The following PDE10A variants were observed in gnomAD, a reference collection of about 807,000 sequenced individuals.
PDE10A encodes the protein cAMP and cAMP-inhibited cGMP 3',5'-cyclic phosphodiesterase 10A.
Under a neutral mutation model 97.7 loss-of-function variants are expected in PDE10A, and 39 were observed. That is an observed-to-expected ratio of 0.40 (90% CI 0.31 to 0.52). The LOEUF (loss-of-function observed/expected upper bound fraction) is 0.52, where lower values mean the gene tolerates loss of function less well. Among genes scored for constraint, PDE10A ranks in the 20% least tolerant of loss-of-function variants. The probability of loss-of-function intolerance (pLI) is 0.56; values close to 1 mark genes in which losing one functional copy is unlikely to be tolerated. For missense variants in PDE10A, 731 were observed against 1,047.8 expected, an observed-to-expected ratio of 0.70 and a Z score of 4.17; for synonymous variants, 371 against 376.8, an observed-to-expected ratio of 0.98 and a Z score of 0.18.
At chr6:165,707,649 G>A (rs1039336864) in intron 1 of PDE10A, among the ~76,000 whole-genome samples, 1 of 151,768 alleles carries the variant, frequency 6.6e-6, no homozygotes, top group Non-Finnish European at 1.5e-5. Context: ...GCGCATGTTT[G>A]GGTATATGTG....
chr6:165,564,088 C>A (rs1332464568), intron 1 of PDE10A, among the ~76,000 whole-genome samples: 2 of 152,114 alleles, frequency 1.3e-5, no homozygotes, highest in African/African-American at 4.8e-5. Flanking sequence ...AGCCACAAAA[C>A]CCTTGGCTGG....
At chr6:165,708,536 T>C (rs933517610) in intron 1 of PDE10A, among the ~76,000 whole-genome samples, 2 of 151,860 alleles carry the variant, frequency 1.3e-5, no homozygotes, top group African/African-American at 4.8e-5. Context: ...CAAACACGGT[T>C]CTCAGTGCCT....
intron 1 of PDE10A, among the ~76,000 whole-genome samples, chr6:165,551,157 C>T (rs1175110221): frequency 1.3e-5 from 2 of 152,202 alleles, no homozygotes; most frequent in African/African-American, 2.4e-5. Context: ...TTGTTCTAGG[C>T]TGTACACATA....
intron 18 of PDE10A, among the ~76,000 whole-genome samples, chr6:165,348,357 G>A (rs749550002): frequency 5.3e-5 from 8 of 152,020 alleles, no homozygotes; most frequent in Non-Finnish European, 1.0e-4. Context: ...AGCTTAAAAC[G>A]CACCATGGTC....
At chr6:165,578,896 G>A (rs1383596794) in intron 1 of PDE10A, among the ~76,000 whole-genome samples, 7 of 152,160 alleles carry the variant, frequency 4.6e-5, no homozygotes, top group Non-Finnish European at 1.0e-4. Context: ...AACTGTACAT[G>A]AGGTCTATAG....
chr6:165,898,421 A>G (rs1439229800), intron 1 of PDE10A, among the ~76,000 whole-genome samples: 5 of 151,968 alleles, frequency 3.3e-5, no homozygotes, highest in Non-Finnish European at 7.4e-5. Flanking sequence ...CGAAGTCCAT[A>G]TTGGAACTCC....
chr6:165,332,893 A>G lies in PDE10A; in HGVS notation c.*132T>C. On this transcript the variant is annotated 3_prime_UTR_variant, in exon 22 of 22. Coordinates refer to ENST00000539869, the MANE Select transcript of PDE10A (RefSeq NM_001385079.1). ...CTGCTTGACTTATTTATTTGATGTT[A>G]CCTTCTTGAAGAGGTTTGCACCCCA... 1.5e-6 allele frequency: 1 copy of G among 664,904 alleles called. No homozygotes were observed. Among genetic ancestry groups the G allele is most frequent in the South Asian group, 1.8e-5 (1 of 57,078 alleles). 41.2% of individuals were successfully genotyped at this position (664,904 alleles called of 1,614,324 possible). A position where few individuals can be genotyped will look rare whatever the true frequency, so the allele number is the denominator to read the frequency against.
intron 1 of PDE10A, among the ~76,000 whole-genome samples, chr6:165,724,644 C>A (rs142271561): frequency 6.6e-6 from 1 of 152,282 alleles, no homozygotes; most frequent in African/African-American, 2.4e-5. Context: ...CTAAGATAGG[C>A]TTACAAGAAT....
intron 1 of PDE10A, among the ~76,000 whole-genome samples, chr6:165,737,450 G>C (rs1169734404): frequency 6.6e-6 from 1 of 152,182 alleles, no homozygotes; most frequent in African/African-American, 2.4e-5. Context: ...CCATGATCAA[G>C]TGGGATTCAC....
intron 1 of PDE10A, among the ~76,000 whole-genome samples, chr6:165,806,657 C>G (rs542491851): frequency 6.6e-6 from 1 of 150,882 alleles, no homozygotes; most frequent in African/African-American, 2.4e-5. Context: ...GCGCCCCCCC[C>G]CAGGCTCTTC....
At chr6:165,872,503 G>C (rs80205656) in intron 1 of PDE10A, among the ~76,000 whole-genome samples, 6,205 of 152,208 alleles carry the variant, frequency 0.041, 171 homozygotes, top group Middle Eastern at 0.11. Context: ...AGTGCAGTGT[G>C]GGGGGAATTG....
intron 1 of PDE10A, among the ~76,000 whole-genome samples, chr6:165,553,304 T>G (rs1269226623): frequency 6.6e-6 from 1 of 152,146 alleles, no homozygotes; most frequent in African/African-American, 2.4e-5. Context: ...GTGACAGACG[T>G]AAACAGTTTT....
At chr6:165,954,073 T>C (rs1362075673) in intron 1 of PDE10A, among the ~76,000 whole-genome samples, 1 of 152,252 alleles carries the variant, frequency 6.6e-6, no homozygotes, top group Non-Finnish European at 1.5e-5. Flanking sequence ...TGTCTTTTCC[T>C]GACAACAGCT....
At chr6:165,785,742 A>G (rs1036971466) in intron 1 of PDE10A, among the ~76,000 whole-genome samples, 3 of 152,224 alleles carry the variant, frequency 2.0e-5, no homozygotes, top group Non-Finnish European at 4.4e-5. Context: ...GGATGAAGTG[A>G]GACTTCTAGT....
intron 1 of PDE10A, among the ~76,000 whole-genome samples, chr6:165,685,484 C>T (rs539796761): frequency 1.3e-5 from 2 of 152,138 alleles, no homozygotes; most frequent in South Asian, 2.1e-4. Context: ...AAGAGAAAAT[C>T]GGACACACTG....
intron 1 of PDE10A, among the ~76,000 whole-genome samples, chr6:165,840,519 A>G (rs1474660738): frequency 6.6e-6 from 1 of 152,152 alleles, no homozygotes; most frequent in Non-Finnish European, 1.5e-5. Context: ...GCAGTTGCAC[A>G]TGACTGGGCA....
chr6:165,615,379 T>G (rs1040395294), intron 1 of PDE10A, among the ~76,000 whole-genome samples: 5 of 152,174 alleles, frequency 3.3e-5, no homozygotes, highest in Non-Finnish European at 7.3e-5. Context: ...AGAAACACAT[T>G]TTATTCAGAT....
intron 1 of PDE10A, among the ~76,000 whole-genome samples, chr6:165,561,330 G>C (rs1375726253): frequency 6.6e-6 from 1 of 152,050 alleles, no homozygotes; most frequent in Non-Finnish European, 1.5e-5. Flanking sequence ...ATTTCCTGAG[G>C]CTGACCAGCC....
At chr6:165,613,957 C>T (rs1247560497) in intron 1 of PDE10A, among the ~76,000 whole-genome samples, 1 of 152,154 alleles carries the variant, frequency 6.6e-6, no homozygotes, top group African/African-American at 2.4e-5. Flanking sequence ...CTGACAGTCA[C>T]GCATCATTCA....
Sources: allele counts gnomAD v4.1 joint callset (sites outside exome capture counted in the v4.1 genomes callset), GRCh38; gene constraint gnomAD v4.1.1; transcripts MANE v1.5; gene names NCBI Gene and HGNC (gene_info 2026-07-23, HGNC 2026-07-21).